Variants in MOCOS observed in about 807,000 individuals in gnomAD.
MOCOS encodes the protein human molybdenum cofactor sulfurase.
MOCOS carries 86 observed loss-of-function variants against 83.6 expected under a neutral mutation model. The ratio of observed to expected loss-of-function variants is 1.03; its 90% CI spans 0.86 to 1.23. The LOEUF (loss-of-function observed/expected upper bound fraction) is 1.23, where lower values mean the gene tolerates loss of function less well. Ranked by LOEUF, MOCOS falls within the 50% of genes most tolerant of loss-of-function variation. The pLI, the probability that MOCOS is intolerant of heterozygous loss-of-function variation, is 0.00. For synonymous variants in MOCOS, 445 were observed against 434.7 expected, an observed-to-expected ratio of 1.02 and a Z score of -0.29; for missense variants, 1,120 against 1,126.9, an observed-to-expected ratio of 0.99 and a Z score of 0.09.
intron 11 of MOCOS, among the ~76,000 whole-genome samples, chr18:36,254,532 A>G (rs1488518859): frequency 6.6e-6 from 1 of 151,356 alleles, no homozygotes; most frequent in Non-Finnish European, 1.5e-5. Flanking sequence ...GGAGAGAGAG[A>G]GAGAACAAAC....
In MOCOS at chr18:36,199,661, G is replaced by A. The variant is rs772198022; in HGVS notation, c.300-22G>A. The A allele has an allele frequency of 5.0e-6, 8 of 1,612,502 alleles. No individual in the cohort carries two copies. In the South Asian group the frequency reaches 5.5e-5, roughly 11 times the overall value. On this transcript the variant is annotated intron_variant, in intron 3 of 14. Coordinates refer to ENST00000261326, the MANE Select transcript of MOCOS (RefSeq NM_017947.4). ...GCTGGGGCTGAGATCCGCGGGTTGC[G>A]GGGATGCTGTGCTTCTTCCAGAATC...
At chr18:36,235,049 C>A (rs954326354) in intron 9 of MOCOS, among the ~76,000 whole-genome samples, 1 of 152,090 alleles carries the variant, frequency 6.6e-6, no homozygotes, top group Non-Finnish European at 1.5e-5. Context: ...TTATTCTGCC[C>A]CTGGCCCCTC....
chr18:36,188,125 C>T (rs2091349292), intron 1 of MOCOS, among the ~76,000 whole-genome samples: 1 of 152,184 alleles, frequency 6.6e-6, no homozygotes, highest in Admixed American at 6.5e-5. Context: ...CCTCTGACGG[C>T]GCGCCAGGTT....
At position 36,244,098 on chromosome 18, in the gene MOCOS, TTTTG is replaced by T. The variant is rs559689120; in HGVS notation, c.1961-4816_1961-4813del. Among the ~76,000 whole-genome samples the T allele has an allele frequency of 3.6e-3, 548 of 152,234 alleles. 1 individual carries two copies. Among genetic ancestry groups the T allele is most frequent in the African/African-American group, 0.013 (521 of 41,584 alleles). On this transcript the variant is annotated intron_variant, in intron 9 of 14. Coordinates refer to ENST00000261326, the MANE Select transcript of MOCOS (RefSeq NM_017947.4). ...TGTTCTATTTATCTTTTGTGTTGTTTTTTGTTTGTTTCAATTTCATTTAGTGTTA... is the reference window on the plus strand; with the variant it reads ...TGTTCTATTTATCTTTTGTGTTGTTTTTTGTTTCAATTTCATTTAGTGTTA...
intron 9 of MOCOS, among the ~76,000 whole-genome samples, chr18:36,228,219 A>G: frequency 6.6e-6 from 1 of 152,240 alleles, no homozygotes; most frequent in East Asian, 1.9e-4. Flanking sequence ...GAATGCTTAT[A>G]CACCGTTGGT....
chr18:36,203,251 C>T, intron 5 of MOCOS, 62 bp downstream of exon 5: 2 of 1,457,584 alleles, frequency 1.4e-6, no homozygotes, highest in East Asian at 4.5e-5. Context: ...GGAGCTCTGG[C>T]ACAGGTGTGA....
chr18:36,235,712 T>C (rs1441484206), intron 9 of MOCOS, among the ~76,000 whole-genome samples: 2 of 151,738 alleles, frequency 1.3e-5, no homozygotes, highest in Admixed American at 6.6e-5. Flanking sequence ...CCACACTGAC[T>C]TCCACAATGG....
chr18:36,205,633 A>ACAGGAAC (rs1208727141), intron 6 of MOCOS, among the ~76,000 whole-genome samples: 1 of 152,214 alleles, frequency 6.6e-6, no homozygotes, highest in African/African-American at 2.4e-5. Flanking sequence ...CAGATGGACA[A>ACAGGAAC]CAGGAACCAA....
chr18:36,250,173 A>G (rs1359145505), intron 10 of MOCOS, among the ~76,000 whole-genome samples: 3 of 152,194 alleles, frequency 2.0e-5, no homozygotes, highest in Non-Finnish European at 4.4e-5. Context: ...AGTTAACTAT[A>G]TAACACTTCA....
chr18:36,195,170 C>G (rs117942013), intron 1 of MOCOS, 87 bp from the exon 2 acceptor site: 3 of 1,090,372 alleles, frequency 2.8e-6, no homozygotes, highest in Non-Finnish European at 4.2e-6. Context: ...CCTGATGTTA[C>G]GTCTGCATGC....
At chr18:36,229,401 A>G (rs1360569896) in intron 9 of MOCOS, among the ~76,000 whole-genome samples, 1 of 152,164 alleles carries the variant, frequency 6.6e-6, no homozygotes, top group Non-Finnish European at 1.5e-5. Flanking sequence ...GTTCCCTTGT[A>G]TATGACAAGT....
At chr18:36,233,003 A>G (rs1379334263) in intron 9 of MOCOS, among the ~76,000 whole-genome samples, 1 of 151,884 alleles carries the variant, frequency 6.6e-6, no homozygotes, top group East Asian at 1.9e-4. Flanking sequence ...AAACATACTG[A>G]TTTTCCTCTC....
At chr18:36,236,400 A>G (rs1172642081) in intron 9 of MOCOS, among the ~76,000 whole-genome samples, 1 of 117,694 alleles carries the variant, frequency 8.5e-6, no homozygotes, top group African/African-American at 3.2e-5. Context: ...TCCTTTCCCC[A>G]TTGCTTGTTT....
At chr18:36,257,348 C>G (rs1181814744) in intron 12 of MOCOS, among the ~76,000 whole-genome samples, 1 of 152,154 alleles carries the variant, frequency 6.6e-6, no homozygotes, top group African/African-American at 2.4e-5. Context: ...TTTAATCATT[C>G]AATTTCTTAA....
chr18:36,207,075 T>G (rs2091437657), intron 6 of MOCOS, among the ~76,000 whole-genome samples: 1 of 152,178 alleles, frequency 6.6e-6, no homozygotes. Context: ...CTCACTTTGT[T>G]GCCCAAGCTG....
At position 36,266,866 on chromosome 18, in the gene MOCOS, G is replaced by C; in HGVS notation, c.2514+13G>C. ...TCGTGAAACAAAGGTAAGCGTGATT[G>C]CAAAATATGACACCTGGTTTCCAAT... On this transcript the variant is annotated intron_variant, in intron 14 of 14. Coordinates refer to ENST00000261326, the MANE Select transcript of MOCOS (RefSeq NM_017947.4). 1 of 1,598,580 alleles carries C rather than the reference G, an allele frequency of 6.3e-7. No individual in the cohort carries two copies. The highest frequency in any genetic ancestry group is 8.6e-7 in the Non-Finnish European group (1 of 1,166,370).
At position 36,215,624 on chromosome 18, in the gene MOCOS, C is replaced by G. The variant is rs1392810027; in HGVS notation, c.1444C>G (p.Leu482Val). 6.2e-7 allele frequency: 1 copy of G among 1,614,182 alleles called. No individual in the cohort carries two copies. Among genetic ancestry groups the G allele is most frequent in the East Asian group, 2.2e-5 (1 of 44,882 alleles). The change falls in exon 8 of 15, where the codon CTT (leucine) becomes GTT (valine). Residue 482 changes from leucine to valine, a missense_variant. Transcript: ENST00000261326. ...GACGCTGGATGATGTCCAGGCCTTT[C>G]TTAGGTTCATCATAGACACTCGCCT... ...MSTLDDVQAF[L>V]RFIIDTRLHS...
At chr18:36,200,869 A>G (rs1481705654) in intron 4 of MOCOS, among the ~76,000 whole-genome samples, 1 of 152,194 alleles carries the variant, frequency 6.6e-6, no homozygotes. Context: ...GGCAACCTCT[A>G]TGAGCCCCAC....
At chr18:36,191,531 CCT>C (rs2091366078) in intron 1 of MOCOS, among the ~76,000 whole-genome samples, 1 of 152,242 alleles carries the variant, frequency 6.6e-6, no homozygotes, top group Non-Finnish European at 1.5e-5. Context: ...GCCGCCTTGA[CCT>C]CTTGGGCTTA....
Sources: allele counts gnomAD v4.1 joint callset (sites outside exome capture counted in the v4.1 genomes callset), GRCh38; gene constraint gnomAD v4.1.1; transcripts MANE v1.5; gene names NCBI Gene and HGNC (gene_info 2026-07-23, HGNC 2026-07-21).